Variants in NRXN3 observed in about 807,000 individuals in gnomAD.
NRXN3 encodes neurexin 3, also known as neurexin III.
In NRXN3, 32 loss-of-function variants were observed where a neutral mutation model predicts 137.6. The ratio of observed to expected loss-of-function variants is 0.23; its 90% CI spans 0.18 to 0.31. The LOEUF (loss-of-function observed/expected upper bound fraction) is 0.31. Among genes scored for constraint, NRXN3 ranks in the 10% least tolerant of loss-of-function variants. NRXN3 has a pLI of 1.00. For synonymous variants in NRXN3, 798 were observed against 784.5 expected (o/e 1.02, Z -0.29); for missense variants, 1,574 against 2,062.5 (o/e 0.76, Z 4.59).
chr14:78,801,047 C>T (rs894164047), intron 8 of NRXN3, among the ~76,000 whole-genome samples: 4 of 152,158 alleles, frequency 2.6e-5, no homozygotes, highest in Non-Finnish European at 4.4e-5. Context: ...TGAGGCCGGG[C>T]GCAGTGGCTC....
chr14:78,187,631 A>G (rs1412675515), intron 1 of NRXN3, among the ~76,000 whole-genome samples: 2 of 152,128 alleles, frequency 1.3e-5, no homozygotes, highest in African/African-American at 4.8e-5. Flanking sequence ...GCTAATAGGA[A>G]GTCTTCGCTT....
chr14:78,754,143 C>T (rs575099793), intron 8 of NRXN3, among the ~76,000 whole-genome samples: 2 of 152,242 alleles, frequency 1.3e-5, no homozygotes, highest in South Asian at 4.1e-4. Context: ...GCGTTAGTTT[C>T]GGATTGTTAA....
At chr14:79,152,131 G>A (rs185003666) in intron 15 of NRXN3, among the ~76,000 whole-genome samples, 6 of 151,880 alleles carry the variant, frequency 4.0e-5, no homozygotes, top group Non-Finnish European at 5.9e-5. Flanking sequence ...TACAGACACC[G>A]TGCTGTTTCT....
intron 4 of NRXN3, among the ~76,000 whole-genome samples, chr14:78,524,980 G>T (rs1345196795): frequency 6.6e-6 from 1 of 152,084 alleles, no homozygotes; most frequent in Non-Finnish European, 1.5e-5. Context: ...AATCCGCTCG[G>T]CATAATCCTC....
chr14:79,599,913 T>C (rs1228524836), intron 16 of NRXN3, among the ~76,000 whole-genome samples: 1 of 152,232 alleles, frequency 6.6e-6, no homozygotes, highest in African/African-American at 2.4e-5. Flanking sequence ...GGGAATCTCT[T>C]GAACCCAGGA....
intron 16 of NRXN3, among the ~76,000 whole-genome samples, chr14:79,596,960 G>C (rs914517581): frequency 2.6e-5 from 4 of 152,064 alleles, no homozygotes; most frequent in Non-Finnish European, 2.9e-5. Flanking sequence ...TTATGGAGTC[G>C]TAACTATTAG....
At chr14:79,086,718 C>T (rs1023574746) in intron 15 of NRXN3, among the ~76,000 whole-genome samples, 4 of 152,020 alleles carry the variant, frequency 2.6e-5, no homozygotes, top group East Asian at 1.9e-4. Context: ...TCTTTTTATT[C>T]GCTTTCCTAA....
intron 4 of NRXN3, among the ~76,000 whole-genome samples, chr14:78,621,534 A>G (rs551777352): frequency 1.3e-5 from 2 of 152,226 alleles, no homozygotes; most frequent in Non-Finnish European, 2.9e-5. Context: ...ACACACATTT[A>G]ACAGAGTGGT....
chr14:79,183,886 C>T (rs1316872484), intron 15 of NRXN3, among the ~76,000 whole-genome samples: 2 of 152,154 alleles, frequency 1.3e-5, no homozygotes, highest in Non-Finnish European at 2.9e-5. Context: ...ATATGGAATC[C>T]TCAAATGGTT....
intron 8 of NRXN3, among the ~76,000 whole-genome samples, chr14:78,767,995 C>T (rs2098714413): frequency 6.6e-6 from 1 of 150,590 alleles, no homozygotes; most frequent in African/African-American, 2.4e-5. Context: ...GTCCTTCACT[C>T]TATTTCTTAA....
At chr14:79,857,285 G>C (rs1234488761) in intron 20 of NRXN3, among the ~76,000 whole-genome samples, 2 of 152,122 alleles carry the variant, frequency 1.3e-5, no homozygotes, top group African/African-American at 4.8e-5. Flanking sequence ...GCAGTGGCGT[G>C]ATCTCGGCTC....
intron 4 of NRXN3, among the ~76,000 whole-genome samples, chr14:78,514,806 A>T (rs2096176252): frequency 6.6e-6 from 1 of 152,162 alleles, no homozygotes; most frequent in Admixed American, 6.5e-5. Context: ...GAGGAAAATC[A>T]GGGAGGACCA....
At chr14:78,840,400 T>A (rs1227305280) in intron 10 of NRXN3, among the ~76,000 whole-genome samples, 1 of 152,206 alleles carries the variant, frequency 6.6e-6, no homozygotes, top group African/African-American at 2.4e-5. Flanking sequence ...TGGATCAATA[T>A]ATAAAAACTG....
At chr14:79,292,960 T>C (rs1343309326) in intron 15 of NRXN3, among the ~76,000 whole-genome samples, 2 of 152,186 alleles carry the variant, frequency 1.3e-5, no homozygotes, top group Non-Finnish European at 2.9e-5. Flanking sequence ...TGTCAACATG[T>C]CAATAATAAT....
intron 15 of NRXN3, among the ~76,000 whole-genome samples, chr14:79,154,500 T>G (rs1321173483): frequency 6.6e-6 from 1 of 151,896 alleles, no homozygotes; most frequent in Non-Finnish European, 1.5e-5. Flanking sequence ...CTGGGTCATA[T>G]GTTCTCAAAT....
intron 4 of NRXN3, among the ~76,000 whole-genome samples, chr14:78,433,987 C>A (rs550971418): frequency 1.3e-5 from 2 of 152,246 alleles, no homozygotes; most frequent in South Asian, 4.2e-4. Flanking sequence ...ATTTAATACA[C>A]CAAACCTACC....
At chr14:79,114,716 T>A (rs1023421444) in intron 15 of NRXN3, among the ~76,000 whole-genome samples, 2 of 152,126 alleles carry the variant, frequency 1.3e-5, no homozygotes, top group African/African-American at 4.8e-5. Flanking sequence ...TTTGGAGAGA[T>A]GAGGACTTGC....
At chr14:79,855,235 C>T (rs1191662895) in intron 20 of NRXN3, among the ~76,000 whole-genome samples, 1 of 152,122 alleles carries the variant, frequency 6.6e-6, no homozygotes, top group African/African-American at 2.4e-5. Context: ...ACCAATGCTG[C>T]CTTATGTACT....
intron 16 of NRXN3, among the ~76,000 whole-genome samples, chr14:79,631,346 G>A (rs977427684): frequency 1.3e-5 from 2 of 152,272 alleles, no homozygotes; most frequent in Admixed American, 6.5e-5. Context: ...CGGCCTCAGC[G>A]TCTGCTCTGG....
Sources: allele counts gnomAD v4.1 joint callset (sites outside exome capture counted in the v4.1 genomes callset), GRCh38; gene constraint gnomAD v4.1.1; transcripts MANE v1.5; gene names NCBI Gene and HGNC (gene_info 2026-07-23, HGNC 2026-07-21).